The following ZFHX3 variants were observed in gnomAD, a reference collection of about 807,000 sequenced individuals.
ZFHX3 encodes zinc finger homeobox protein 3.
In ZFHX3, 42 loss-of-function variants were observed where a neutral mutation model predicts 279.1. The observed-to-expected ratio is 0.15, with a 90% confidence interval of 0.12 to 0.19. ZFHX3 has a LOEUF of 0.19. Among genes scored for constraint, ZFHX3 ranks in the 10% least tolerant of loss-of-function variants. The pLI is 1.00. For missense variants in ZFHX3, 4,981 were observed against 4,754.0 expected (o/e 1.05, Z -1.40); for synonymous variants, 2,293 against 1,957.8 (o/e 1.17, Z -4.52).
At chr16:73,455,549 A>G (rs1264798377) in intron 3 of ZFHX3, among the ~76,000 whole-genome samples, 2 of 152,142 alleles carry the variant, frequency 1.3e-5, no homozygotes, top group Non-Finnish European at 2.9e-5. Flanking sequence ...AAAAGCTCAT[A>G]ATTCAATGAA....
intron 5 of ZFHX3, chr16:73,232,645 G>C (rs1340536515): frequency 6.6e-6 from 1 of 152,190 alleles, no homozygotes; most frequent in Non-Finnish European, 1.5e-5. Context: ...TGCTCTGGGA[G>C]TGCAAAGTGA....
chr16:72,821,370 A>G (rs1250575524), intron 5 of ZFHX3, among the ~76,000 whole-genome samples: 1 of 152,226 alleles, frequency 6.6e-6, no homozygotes, highest in African/African-American at 2.4e-5. Context: ...TGTACAGTAC[A>G]GAGAGATAGA....
chr16:73,084,129 A>C (rs1965980892), intron 8 of ZFHX3, among the ~76,000 whole-genome samples: 1 of 152,248 alleles, frequency 6.6e-6, no homozygotes, highest in African/African-American at 2.4e-5. Context: ...TCAAAATGCC[A>C]ATAGCAATGA....
chr16:73,371,267 A>G (rs895049973), intron 3 of ZFHX3, among the ~76,000 whole-genome samples: 13 of 151,824 alleles, frequency 8.6e-5, no homozygotes, highest in African/African-American at 2.9e-4. Flanking sequence ...AGATCGCACC[A>G]CTGCACTCCG....
intron 2 of ZFHX3, among the ~76,000 whole-genome samples, chr16:73,663,820 G>A (rs1174201126): frequency 1.3e-5 from 2 of 152,196 alleles, no homozygotes; most frequent in Admixed American, 1.3e-4. Context: ...AGAGGGAAAT[G>A]GACTGGCTTT....
chr16:73,414,627 G>A (rs2017533965), intron 3 of ZFHX3, among the ~76,000 whole-genome samples: 1 of 152,196 alleles, frequency 6.6e-6, no homozygotes, highest in South Asian at 2.1e-4. Context: ...CTTGAGCCCA[G>A]AAGTTTGAGA....
At chr16:73,674,490 G>C (rs72801494) in intron 2 of ZFHX3, among the ~76,000 whole-genome samples, 2 of 152,190 alleles carry the variant, frequency 1.3e-5, no homozygotes, top group African/African-American at 2.4e-5. Context: ...ACACAGTCAA[G>C]AATAGACAAC....
chr16:73,457,633 C>T (rs1457610512), intron 2 of ZFHX3, among the ~76,000 whole-genome samples: 2 of 152,196 alleles, frequency 1.3e-5, no homozygotes, highest in East Asian at 3.9e-4. Context: ...ATTAACCTGG[C>T]GTAGTGGCGC....
At chr16:72,834,712 A>C (rs1030260826) in intron 4 of ZFHX3, among the ~76,000 whole-genome samples, 1 of 152,050 alleles carries the variant, frequency 6.6e-6, no homozygotes, top group Non-Finnish European at 1.5e-5. Context: ...CCAAAAATAG[A>C]GGTGGCATCA....
At chr16:73,770,873 G>A (rs544329056) in intron 1 of ZFHX3, among the ~76,000 whole-genome samples, 1 of 152,156 alleles carries the variant, frequency 6.6e-6, no homozygotes, top group African/African-American at 2.4e-5. Context: ...CATTTCTATA[G>A]AGCACAATAA....
intron 5 of ZFHX3, among the ~76,000 whole-genome samples, chr16:73,245,043 C>A (rs1255958227): frequency 6.6e-6 from 1 of 152,100 alleles, no homozygotes; most frequent in East Asian, 1.9e-4. Context: ...ATCTCAGCAA[C>A]CTATTCTTGG....
chr16:73,559,818 C>T (rs1370429552), intron 2 of ZFHX3, among the ~76,000 whole-genome samples: 2 of 152,170 alleles, frequency 1.3e-5, no homozygotes, highest in Non-Finnish European at 2.9e-5. Context: ...AATCATTAAG[C>T]AGCAGCATCT....
intron 3 of ZFHX3, among the ~76,000 whole-genome samples, chr16:72,909,877 CA>C (rs66982395): frequency 7.5e-3 from 619 of 82,292 alleles, no homozygotes; most frequent in Non-Finnish European, 9.5e-3. Flanking sequence ...CACCGTGTCT[CA>C]AAAAAAAAAA....
chr16:73,738,861 G>C (rs2053630119), intron 1 of ZFHX3, among the ~76,000 whole-genome samples: 1 of 152,174 alleles, frequency 6.6e-6, no homozygotes, highest in South Asian at 2.1e-4. Context: ...ACCCGTGGAA[G>C]ATTACAAGAT....
At position 73,085,416 on chromosome 16, in the gene ZFHX3, G is replaced by A. The variant is rs189124899; in HGVS notation, c.-533+7819C>T. The stretch of plus-strand genomic sequence containing the variant: ...TGGGACTACAGGTGTGCACCACCAC[G>A]CCCAGCTAATTTAGAGATGGGGTTT... On this transcript the variant is annotated intron_variant, in intron 8 of 17. Coordinates refer to the ZFHX3 transcript ENST00000641206. Among the ~76,000 whole-genome samples the A allele has an allele frequency of 2.8e-4, 43 of 152,102 alleles. No individual in the cohort carries two copies. The East Asian group carries it at 7.3e-3, about 26-fold the overall frequency.
At chr16:72,966,401 T>C (rs190972144) in intron 1 of ZFHX3, among the ~76,000 whole-genome samples, 2 of 151,962 alleles carry the variant, frequency 1.3e-5, no homozygotes, top group African/African-American at 4.8e-5. Flanking sequence ...GTCATAAGAG[T>C]TCATGCAAAC....
At chr16:73,594,809 C>T (rs1489340944) in intron 2 of ZFHX3, among the ~76,000 whole-genome samples, 2 of 152,190 alleles carry the variant, frequency 1.3e-5, no homozygotes, top group Admixed American at 1.3e-4. Flanking sequence ...CCATGAAATA[C>T]TTAGAAATGT....
chr16:73,019,343 C>CATATGTGTGT (rs1555542114), intron 1 of ZFHX3, among the ~76,000 whole-genome samples: 2 of 150,068 alleles, frequency 1.3e-5, no homozygotes, highest in African/African-American at 4.9e-5. Context: ...TGTGTCTGTG[C>CATATGTGTGT]GTGTGTGTGT....
intron 8 of ZFHX3, among the ~76,000 whole-genome samples, chr16:73,070,938 G>GCGCGCA (rs1213455130): frequency 4.4e-4 from 10 of 22,614 alleles, no homozygotes; most frequent in African/African-American, 8.7e-4. Context: ...GCGCGCGCGC[G>GCGCGCA]CACACACACA....
Sources: gnomAD v4.1 joint callset for allele counts (sites outside exome capture counted in the v4.1 genomes callset) on GRCh38, gnomAD v4.1.1 for gene constraint, MANE v1.5 for transcripts, NCBI Gene and HGNC (gene_info 2026-07-23, HGNC 2026-07-21) for gene names.